The following GDPD5 variants were observed in gnomAD, a reference collection of about 807,000 sequenced individuals.
GDPD5 encodes the protein glycerophosphodiester phosphodiesterase domain containing 5.
GDPD5 carries 48 observed loss-of-function variants against 75.1 expected under a neutral mutation model. The observed-to-expected ratio is 0.64, with a 90% CI of 0.51 to 0.81. The LOEUF is 0.81. Ranked by LOEUF, GDPD5 falls within the 40% of genes least tolerant of loss-of-function variation. GDPD5 has a pLI of 0.00. For synonymous variants in GDPD5, 336 were observed against 339.0 expected, an observed-to-expected ratio of 0.99 and a Z score of 0.10; for missense variants, 706 against 822.6, an observed-to-expected ratio of 0.86 and a Z score of 1.73.
At chr11:75,463,971 C>T (rs890489158) in intron 3 of GDPD5, among the ~76,000 whole-genome samples, 5 of 152,248 alleles carry the variant, frequency 3.3e-5, no homozygotes, top group African/African-American at 1.2e-4. Context: ...TGCCGCGGTG[C>T]GCCCGCAGCA....
intron 1 of GDPD5, among the ~76,000 whole-genome samples, chr11:75,496,893 G>A (rs1022386725): frequency 1.5e-5 from 2 of 137,356 alleles, no homozygotes; most frequent in African/African-American, 5.5e-5. Context: ...CAATCCTCCC[G>A]CCTCAGCCTC....
chr11:75,478,503 T>G (rs1035889880), intron 2 of GDPD5, among the ~76,000 whole-genome samples: 5 of 152,236 alleles, frequency 3.3e-5, no homozygotes, highest in African/African-American at 1.2e-4. Flanking sequence ...CTGTAGCCCC[T>G]TCCCACATTC....
At chr11:75,442,318 C>G in intron 12 of GDPD5, 45 bp downstream of exon 12, 3 of 1,446,834 alleles carry the variant, frequency 2.1e-6, no homozygotes, top group Non-Finnish European at 2.8e-6. Context: ...AGGGCTCTAG[C>G]CAGGCCAGGG....
intron 2 of GDPD5, among the ~76,000 whole-genome samples, chr11:75,478,010 C>T (rs1169438955): frequency 6.6e-6 from 1 of 152,206 alleles, no homozygotes; most frequent in Non-Finnish European, 1.5e-5. Flanking sequence ...TACTCCTTCC[C>T]CTCCAGCCAC....
intron 15 of GDPD5, 127 bp from the exon 16 acceptor site, chr11:75,437,175 A>G: frequency 1.5e-6 from 1 of 667,482 alleles, no homozygotes; most frequent in East Asian, 2.7e-5. Context: ...CCCACTGTAC[A>G]ATGGGGAAAT....
intron 1 of GDPD5, among the ~76,000 whole-genome samples, chr11:75,511,455 C>T (rs1358760510): frequency 1.3e-5 from 2 of 152,168 alleles, no homozygotes; most frequent in African/African-American, 2.4e-5. Context: ...CGTATTAATA[C>T]ATTAAAGACC....
At chr11:75,446,552 T>C (rs511190) in intron 9 of GDPD5, among the ~76,000 whole-genome samples, 95,964 of 152,022 alleles carry the variant, frequency 0.63, 31,397 homozygotes, top group East Asian at 0.93. Context: ...AAAAAGAGTC[T>C]TAGCTTCAGA....
At chr11:75,460,407 G>C (rs918247989) in intron 4 of GDPD5, among the ~76,000 whole-genome samples, 1 of 152,054 alleles carries the variant, frequency 6.6e-6, no homozygotes, top group Non-Finnish European at 1.5e-5. Flanking sequence ...TGTTTAGGTA[G>C]AGCTTTGAGC....
intron 14 of GDPD5, 31 bp from the exon 15 acceptor site, chr11:75,439,992 A>C: frequency 1.3e-6 from 2 of 1,540,700 alleles, no homozygotes; most frequent in South Asian, 2.2e-5. Context: ...GCCAACTTCC[A>C]GTCATGGCCA....
chr11:75,517,754 G>A (rs987572694), intron 1 of GDPD5, among the ~76,000 whole-genome samples: 3 of 151,940 alleles, frequency 2.0e-5, no homozygotes, highest in Non-Finnish European at 2.9e-5. Flanking sequence ...GTCAATTATC[G>A]GTGAGGATTT....
intron 1 of GDPD5, among the ~76,000 whole-genome samples, chr11:75,497,212 C>T (rs1169583139): frequency 6.6e-6 from 1 of 152,142 alleles, no homozygotes; most frequent in Non-Finnish European, 1.5e-5. Flanking sequence ...CCTGAGCTCT[C>T]CTGTGTGCCC....
Position 75,450,081 on chromosome 11 carries a change from G to T in GDPD5, c.376-98C>A, listed in dbSNP as rs1949099033. On this transcript the variant is annotated intron_variant, in intron 6 of 16. Coordinates refer to ENST00000336898, the MANE Select transcript of GDPD5 (RefSeq NM_030792.8). ...CCAGAGGGAGAGACAGAGAGGGCAG[G>T]AGAGGCCGATGGAGCAGGGCAGAGG... 6 of 971,136 alleles carry T rather than the reference G, an allele frequency of 6.2e-6. No individual in the cohort carries two copies. The South Asian group carries it at 7.1e-5, about 11-fold the overall frequency. 60.2% of individuals were successfully genotyped at this position (971,136 alleles called of 1,614,324 possible). A position where few individuals can be genotyped will look rare whatever the true frequency, so the allele number is the denominator to read the frequency against.
At chr11:75,449,318 G>C (rs1159943922) in intron 8 of GDPD5, among the ~76,000 whole-genome samples, 196 bp from the exon 9 acceptor site, 1 of 152,186 alleles carries the variant, frequency 6.6e-6, no homozygotes. Context: ...CATGGAGGAG[G>C]AATACAGTGT....
chr11:75,441,265 G>A lies in GDPD5; in HGVS notation c.1371C>T (p.Asn457=), dbSNP rs757468725. 21 of 1,614,014 alleles carry A rather than the reference G, an allele frequency of 1.3e-5. No individual in the cohort carries two copies. Among genetic ancestry groups the A allele is most frequent in the South Asian group, 2.2e-5 (2 of 91,086 alleles). The change falls in exon 14 of 17, where the codon AAC becomes AAT. Residue 457 remains asparagine (N), a synonymous_variant. Coordinates refer to ENST00000336898, the MANE Select transcript of GDPD5 (RefSeq NM_030792.8). Reference sequence around the variant, plus strand: ...ACAGCAGGGAGAAGAGCCACGGTGCGTTGACTGTGTAGAGGTTCACACTCA... The same window carrying A: ...ACAGCAGGGAGAAGAGCCACGGTGCATTGACTGTGTAGAGGTTCACACTCA... ...WNLSVNLYTV[N]APWLFSLLWC... is the part of the protein sequence containing the mutation.
chr11:75,437,006 G>A lies in GDPD5; in HGVS notation c.1599C>T (p.Ile533=). 3 of 1,613,498 alleles carry A rather than the reference G, an allele frequency of 1.9e-6. No individual in the cohort carries two copies. Among genetic ancestry groups the A allele is most frequent in the Non-Finnish European group, 2.5e-6 (3 of 1,179,996 alleles). Residue 533 remains isoleucine, a synonymous_variant, in exon 16 of 17, where the codon ATC becomes ATT. Transcript: ENST00000336898. The part of the protein sequence containing the change: ...GGIRSYNPEQ[I]MLSAAVRRTS... ...TCCGGCGCACCGCAGCACTCAGCAT[G>A]ATCTGCTCAGGGTTGTAGCTCCGTA...
chr11:75,444,622 T>C (rs1416162603), intron 9 of GDPD5, 127 bp from the exon 10 acceptor site: 1 of 693,528 alleles, frequency 1.4e-6, no homozygotes. Context: ...CTCCACAGAG[T>C]AGCTGTGTGA....
intron 2 of GDPD5, among the ~76,000 whole-genome samples, chr11:75,487,770 GT>G (rs1346131686): frequency 6.6e-6 from 1 of 152,140 alleles, no homozygotes; most frequent in African/African-American, 2.4e-5. Context: ...TCTTTCCCAG[GT>G]CAGGGCTATG....
Position 75,439,834 on chromosome 11 carries a change from G to A in GDPD5, c.1556+45C>T, listed in dbSNP as rs753443679. 76 of 1,498,292 alleles carry A rather than the reference G, an allele frequency of 5.1e-5. No homozygotes were observed. In the South Asian group the frequency reaches 6.0e-4, roughly 12 times the overall value. 92.8% of individuals were successfully genotyped at this position (1,498,292 alleles called of 1,614,324 possible). On this transcript the variant is annotated intron_variant, in intron 15 of 16. Transcript: ENST00000336898. ...CCTGGCTGGGGTGGGGGCTGGGCCT[G>A]CTGCAGGGTAGGGACAGCCACGGAA...
At chr11:75,456,227 G>A (rs184518213) in intron 6 of GDPD5, among the ~76,000 whole-genome samples, 7 of 152,330 alleles carry the variant, frequency 4.6e-5, no homozygotes, top group Admixed American at 4.6e-4. Context: ...TGGGAGATCA[G>A]CAGGGGCCAG....
Sources: allele counts gnomAD v4.1 joint callset (sites outside exome capture counted in the v4.1 genomes callset), GRCh38; gene constraint gnomAD v4.1.1; transcripts MANE v1.5; gene names NCBI Gene and HGNC (gene_info 2026-07-23, HGNC 2026-07-21).